Variants in NELL1 observed in about 807,000 individuals in gnomAD.
NELL1 encodes the protein neural EGFL like 1, also known as protein kinase C-binding protein NELL1.
In NELL1, 76 loss-of-function variants were observed where a neutral mutation model predicts 107.4. That is an observed-to-expected ratio of 0.71 (90% CI 0.59 to 0.86). The LOEUF (loss-of-function observed/expected upper bound fraction) is 0.86. NELL1 is among the 40% of genes least tolerant of loss of function. NELL1 has a pLI of 0.00. For synonymous variants in NELL1, 353 were observed against 341.2 expected, an observed-to-expected ratio of 1.03 and a Z score of -0.38; for missense variants, 1,024 against 1,005.5, an observed-to-expected ratio of 1.02 and a Z score of -0.25.
chr11:20,874,163 G>A (rs113818975), intron 4 of NELL1, among the ~76,000 whole-genome samples: 2,716 of 152,270 alleles, frequency 0.018, 36 homozygotes, highest in Non-Finnish European at 0.027. Flanking sequence ...CGCCTCCTGG[G>A]TTTAAGCGAT....
At chr11:21,051,780 C>T (rs1179762785) in intron 12 of NELL1, among the ~76,000 whole-genome samples, 1 of 151,830 alleles carries the variant, frequency 6.6e-6, no homozygotes, top group East Asian at 2.0e-4. Flanking sequence ...TTCATTCATT[C>T]AACAAAAATT....
chr11:21,260,881 A>G (rs1848516357), intron 14 of NELL1: 1 of 151,882 alleles, frequency 6.6e-6, no homozygotes, highest in African/African-American at 2.4e-5. Flanking sequence ...TATACATGGA[A>G]GTTAATTCAT....
At position 20,885,480 on chromosome 11, in the gene NELL1, C is replaced by T. The variant is rs746732268; in HGVS notation, c.543C>T (p.Asn181=). 1 of 1,613,456 alleles carries T rather than the reference C, an allele frequency of 6.2e-7. No homozygotes were observed. Among genetic ancestry groups the T allele is most frequent in the Non-Finnish European group, 8.5e-7 (1 of 1,179,396 alleles). Residue 181 remains asparagine, a synonymous_variant, in exon 5 of 20, where the codon AAC becomes AAT. Coordinates refer to ENST00000357134, the MANE Select transcript of NELL1 (RefSeq NM_006157.5). The part of the protein sequence containing the change: ...YERVIDPPDT[N]LPPGINLWLG... ...GTGTGATAGACCCTCCAGATACCAA[C>T]CTTCCCCCAGGAATCAATTTATGGC...
At chr11:21,365,065 G>A (rs774988981) in intron 14 of NELL1, among the ~76,000 whole-genome samples, 32 of 152,160 alleles carry the variant, frequency 2.1e-4, no homozygotes, top group African/African-American at 3.4e-4. Flanking sequence ...GCTGTTTTGC[G>A]CAGCTTTGCA....
intron 15 of NELL1, among the ~76,000 whole-genome samples, chr11:21,431,167 C>T (rs190648161): frequency 1.3e-5 from 2 of 151,554 alleles, no homozygotes; most frequent in Admixed American, 6.6e-5. Context: ...TACTCACTTC[C>T]TCCCTTCTCT....
intron 15 of NELL1, among the ~76,000 whole-genome samples, chr11:21,465,334 A>G (rs1159431429): frequency 6.6e-6 from 1 of 152,220 alleles, no homozygotes; most frequent in East Asian, 1.9e-4. Flanking sequence ...AAGTCACCCA[A>G]TTAGTAAGAG....
At chr11:20,984,957 G>A (rs1442457222) in intron 12 of NELL1, among the ~76,000 whole-genome samples, 1 of 152,166 alleles carries the variant, frequency 6.6e-6, no homozygotes, top group African/African-American at 2.4e-5. Context: ...GACCAAGTTA[G>A]TGGTTTCCTC....
chr11:21,441,689 CTTTAA>C (rs895893150), intron 15 of NELL1, among the ~76,000 whole-genome samples: 3 of 151,968 alleles, frequency 2.0e-5, no homozygotes, highest in East Asian at 1.9e-4. Context: ...GAGTTTGACA[CTTTAA>C]TTTATTTATA....
At chr11:20,965,121 T>C (rs1264207023) in intron 12 of NELL1, among the ~76,000 whole-genome samples, 2 of 152,136 alleles carry the variant, frequency 1.3e-5, no homozygotes, top group African/African-American at 2.4e-5. Flanking sequence ...AGAGCAAGCA[T>C]TGAGAGTTAC....
chr11:20,706,059 C>G (rs1240621597), intron 2 of NELL1, among the ~76,000 whole-genome samples: 1 of 152,210 alleles, frequency 6.6e-6, no homozygotes, highest in East Asian at 1.9e-4. Flanking sequence ...CACTTTTACA[C>G]TGTTGGTGGG....
intron 3 of NELL1, among the ~76,000 whole-genome samples, chr11:20,827,573 G>T (rs1432667346): frequency 1.3e-5 from 2 of 151,098 alleles, no homozygotes; most frequent in African/African-American, 4.8e-5. Context: ...TGTTTCTGAG[G>T]GTTGTCTTTA....
At chr11:21,368,267 G>A (rs921264538) in intron 14 of NELL1, among the ~76,000 whole-genome samples, 1 of 151,498 alleles carries the variant, frequency 6.6e-6, no homozygotes, top group Non-Finnish European at 1.5e-5. Flanking sequence ...CTAGTCTCAG[G>A]CAAAAATAGA....
intron 7 of NELL1, among the ~76,000 whole-genome samples, chr11:20,920,702 C>T (rs181645352): frequency 7.9e-4 from 120 of 152,000 alleles, no homozygotes; most frequent in Non-Finnish European, 3.1e-4. Flanking sequence ...GATTGTGGTT[C>T]TTCATTCTCC....
Position 21,286,620 on chromosome 11 carries a change from C to T in NELL1, c.1549+57166C>T, listed in dbSNP as rs541111279. Among the ~76,000 whole-genome samples, 75 of 152,312 alleles carry T rather than the reference C, an allele frequency of 4.9e-4. 1 individual carries two copies. Among genetic ancestry groups the T allele is most frequent in the African/African-American group, 1.8e-3 (73 of 41,568 alleles). ...GGCCCAGTTGTTGGCTTCTATTTAGCAATGGGGGTTTATGATACACTTCAG... is the reference window on the plus strand; with the variant it reads ...GGCCCAGTTGTTGGCTTCTATTTAGTAATGGGGGTTTATGATACACTTCAG... On this transcript the variant is annotated intron_variant, in intron 14 of 19. Transcript: ENST00000357134.
intron 12 of NELL1, among the ~76,000 whole-genome samples, chr11:21,041,920 C>T (rs770458849): frequency 6.6e-6 from 1 of 152,170 alleles, no homozygotes. Context: ...GTGTGTGAAG[C>T]GTGGATTCTA....
At chr11:20,847,355 G>A (rs888569503) in intron 3 of NELL1, among the ~76,000 whole-genome samples, 2 of 152,138 alleles carry the variant, frequency 1.3e-5, no homozygotes, top group African/African-American at 2.4e-5. Context: ...TTACCTCATG[G>A]TGGACCAATT....
At chr11:21,481,934 T>C (rs1158766779) in intron 15 of NELL1, among the ~76,000 whole-genome samples, 2 of 152,188 alleles carry the variant, frequency 1.3e-5, no homozygotes, top group Admixed American at 6.6e-5. Context: ...TAGGTTCTTA[T>C]AGGAATCAGA....
intron 12 of NELL1, among the ~76,000 whole-genome samples, chr11:21,059,386 A>T (rs945325866): frequency 6.6e-6 from 1 of 151,726 alleles, no homozygotes; most frequent in Non-Finnish European, 1.5e-5. Context: ...GCTGCTTTTC[A>T]TACTTCATTC....
chr11:21,529,335 A>T lies in NELL1; in HGVS notation c.1646-5039A>T, dbSNP rs142721197. Among the ~76,000 whole-genome samples the T allele has an allele frequency of 2.6e-4, 40 of 152,314 alleles. No individual in the cohort carries two copies. The East Asian group carries it at 7.5e-3, about 29-fold the overall frequency. ...AACTAGAGCTCAGCCACATGACCTT[A>T]CATATCTTCAAAGGAAGCATGCTCC... On this transcript the variant is annotated intron_variant, in intron 15 of 19. Coordinates refer to ENST00000357134, the MANE Select transcript of NELL1 (RefSeq NM_006157.5).
Sources: allele counts gnomAD v4.1 joint callset (sites outside exome capture counted in the v4.1 genomes callset), GRCh38; gene constraint gnomAD v4.1.1; transcripts MANE v1.5; gene names NCBI Gene and HGNC (gene_info 2026-07-23, HGNC 2026-07-21).